UQCC1: variants seen among roughly 807,000 people sequenced by gnomAD.
The protein encoded by UQCC1 is ubiquinol-cytochrome c reductase complex assembly factor 1, also known as bFGF-repressed Zic-binding protein.
Under a neutral mutation model 48.0 loss-of-function variants are expected in UQCC1, and 38 were observed. The ratio of observed to expected loss-of-function variants is 0.79; its 90% CI spans 0.61 to 1.04. The LOEUF is 1.04. UQCC1 is among the 50% of genes least tolerant of loss of function. UQCC1 has a pLI of 0.00. For synonymous variants in UQCC1, 111 were observed against 129.2 expected (o/e 0.86, Z 0.95); for missense variants, 368 against 381.8 (o/e 0.96, Z 0.30).
At chr20:35,325,249 GT>G (rs1251781922) in intron 7 of UQCC1, among the ~76,000 whole-genome samples, 1 of 152,204 alleles carries the variant, frequency 6.6e-6, no homozygotes, top group Non-Finnish European at 1.5e-5. Flanking sequence ...TAATGAAAAT[GT>G]TTTGGGTATA....
At chr20:35,361,109 T>G (rs929535790) in intron 6 of UQCC1, among the ~76,000 whole-genome samples, 3 of 152,066 alleles carry the variant, frequency 2.0e-5, no homozygotes, top group Non-Finnish European at 4.4e-5. Context: ...CAGTCTTTTT[T>G]CAGTGGACAT....
intron 1 of UQCC1, among the ~76,000 whole-genome samples, chr20:35,404,470 G>A (rs554300305): frequency 9.9e-5 from 15 of 152,130 alleles, no homozygotes; most frequent in Admixed American, 5.9e-4. Flanking sequence ...AACCCGGGAG[G>A]TGGAGCTTGC....
intron 2 of UQCC1, among the ~76,000 whole-genome samples, chr20:35,387,630 G>T (rs2061961422): frequency 6.6e-6 from 1 of 152,058 alleles, no homozygotes; most frequent in Admixed American, 6.6e-5. Context: ...AATTTAGGCT[G>T]TTTAGCTTGG....
chr20:35,338,882 A>ATATCTATATATATATAT (rs1568666102), intron 7 of UQCC1, among the ~76,000 whole-genome samples: 1 of 60,182 alleles, frequency 1.7e-5, no homozygotes, highest in African/African-American at 2.1e-4. Context: ...AAAAAAAAAA[A>ATATCTATATATATATAT]AAAAAAAAAA....
intron 7 of UQCC1, chr20:35,345,822 T>TA (rs2146384796): frequency 6.6e-6 from 1 of 152,270 alleles, no homozygotes; most frequent in East Asian, 1.9e-4. Flanking sequence ...CTTTGCCCTG[T>TA]AATGAAAGAA....
chr20:35,402,196 A>G (rs929372187), intron 1 of UQCC1, among the ~76,000 whole-genome samples: 1 of 151,970 alleles, frequency 6.6e-6, no homozygotes, highest in Non-Finnish European at 1.5e-5. Context: ...TAATCCCAAC[A>G]CTTTGTGAGG....
At chr20:35,336,659 C>T (rs187538302) in intron 7 of UQCC1, among the ~76,000 whole-genome samples, 5 of 152,140 alleles carry the variant, frequency 3.3e-5, no homozygotes, top group Admixed American at 2.0e-4. Flanking sequence ...TTCTGGCCTC[C>T]GGTACTGTAA....
Position 35,378,089 on chromosome 20 carries a change from G to A in UQCC1, c.333+3829C>T, listed in dbSNP as rs2061823838. On this transcript the variant is annotated intron_variant, in intron 4 of 9. Transcript: ENST00000374385. ...CTGATCTGAGTTAAGGACGTAGGGG[G>A]ACTGAATTTTCAACCAGTCAATACA... 4.6e-5 allele frequency among the ~76,000 whole-genome samples: 7 copies of A among 152,264 alleles called. No homozygotes were observed. In the South Asian group the frequency reaches 1.5e-3, roughly 32 times the overall value.
At chr20:35,374,071 T>G in intron 5 of UQCC1, 113 bp downstream of exon 5, 1 of 751,580 alleles carries the variant, frequency 1.3e-6, no homozygotes, top group South Asian at 1.8e-5. Context: ...ATATGCTTTG[T>G]GCAGGAAAAA....
At chr20:35,343,703 T>C (rs2061404705) in intron 7 of UQCC1, among the ~76,000 whole-genome samples, 1 of 152,216 alleles carries the variant, frequency 6.6e-6, no homozygotes, top group South Asian at 2.1e-4. Context: ...CTTCTCTTCA[T>C]GAAGGCAATT....
chr20:35,359,122 T>C lies in UQCC1; in HGVS notation c.464+7435A>G, dbSNP rs560699690. 5.3e-5 allele frequency among the ~76,000 whole-genome samples: 8 copies of C among 152,308 alleles called. No homozygotes were observed. The South Asian group carries it at 1.7e-3, about 32-fold the overall frequency. ...ATATCAAATAATAAAGGGCTGAAGC[T>C]ATCAATCCTGCCTTATAGAAAATAA... is the stretch of plus-strand genomic sequence containing the variant. On this transcript the variant is annotated intron_variant, in intron 6 of 9. Coordinates refer to ENST00000374385, the MANE Select transcript of UQCC1 (RefSeq NM_018244.5).
At chr20:35,326,503 T>C (rs902104790) in intron 7 of UQCC1, among the ~76,000 whole-genome samples, 3 of 152,206 alleles carry the variant, frequency 2.0e-5, no homozygotes, top group Non-Finnish European at 4.4e-5. Flanking sequence ...GTGTATTTAG[T>C]TTGAGCCCGG....
intron 4 of UQCC1, among the ~76,000 whole-genome samples, chr20:35,378,153 T>C (rs1037894316): frequency 1.3e-5 from 2 of 152,234 alleles, no homozygotes; most frequent in Non-Finnish European, 2.9e-5. Context: ...ATTTATTTCA[T>C]TTTAATTTTA....
chr20:35,304,185 G>T, intron 9 of UQCC1, 116 bp from the exon 10 acceptor site: 1 of 1,369,772 alleles, frequency 7.3e-7, no homozygotes. Context: ...CATGAGGGGG[G>T]CTTCTGACCA....
At chr20:35,382,927 T>A (rs186763170) in intron 3 of UQCC1, among the ~76,000 whole-genome samples, 1 of 152,306 alleles carries the variant, frequency 6.6e-6, no homozygotes, top group Non-Finnish European at 1.5e-5. Context: ...TGTATGTCTA[T>A]TAACCCATAT....
Position 35,408,829 on chromosome 20 carries a change from C to T in UQCC1, c.24+3111G>A, listed in dbSNP as rs935983977. The stretch of plus-strand genomic sequence containing the variant: ...ATGATTGAGCCACTACACTTCAGCA[C>T]GCATGACAGAGCGAGACCCTATCTC... On this transcript the variant is annotated intron_variant, in intron 1 of 9. Coordinates refer to ENST00000374385, the MANE Select transcript of UQCC1 (RefSeq NM_018244.5). Among the ~76,000 whole-genome samples, 11 of 150,748 alleles carry T rather than the reference C, an allele frequency of 7.3e-5. 1 individual carries two copies. The East Asian group carries it at 1.6e-3, about 21-fold the overall frequency.
At chr20:35,385,082 T>G (rs1224538427) in intron 2 of UQCC1, among the ~76,000 whole-genome samples, 1 of 150,914 alleles carries the variant, frequency 6.6e-6, no homozygotes, top group African/African-American at 2.4e-5. Context: ...TGGGCAGCAG[T>G]GCCGTATATG....
intron 7 of UQCC1, among the ~76,000 whole-genome samples, chr20:35,335,997 C>T (rs2146357820): frequency 6.6e-6 from 1 of 152,130 alleles, no homozygotes; most frequent in South Asian, 2.1e-4. Flanking sequence ...CGGAGAGAAC[C>T]CATCTCTACA....
rs962662833 is a variant in UQCC1 at position 35,383,958 on chromosome 20, T to A, written c.225+80A>T. The stretch of plus-strand genomic sequence containing the variant: ...CCTTCTGCATTCGCTAAAACTCACC[T>A]AGCTAACAATTTTGTTGAGATCCAA... On this transcript the variant is annotated intron_variant, in intron 3 of 9. Coordinates refer to ENST00000374385, the MANE Select transcript of UQCC1 (RefSeq NM_018244.5). 3.9e-6 allele frequency: 5 copies of A among 1,275,866 alleles called. No homozygotes were observed. In the South Asian group the frequency reaches 6.4e-5, roughly 16 times the overall value. The allele number at this position is 1,275,866 out of a possible 1,614,324, so 79.0% of individuals were successfully genotyped here. A position where few individuals can be genotyped will look rare whatever the true frequency, so the allele number is the denominator to read the frequency against.
Sources: allele counts gnomAD v4.1 joint callset (sites outside exome capture counted in the v4.1 genomes callset), GRCh38; gene constraint gnomAD v4.1.1; transcripts MANE v1.5; gene names NCBI Gene and HGNC (gene_info 2026-07-23, HGNC 2026-07-21).